GALNT9: variants seen among roughly 807,000 people sequenced by gnomAD.
GALNT9 encodes polypeptide N-acetylgalactosaminyltransferase 9.
A neutral mutation model predicts 63.1 loss-of-function variants in GALNT9; 47 were observed. The observed-to-expected ratio is 0.75, with a 90% CI of 0.59 to 0.95. The LOEUF is 0.95. Among genes scored for constraint, GALNT9 ranks in the 40% least tolerant of loss-of-function variants. GALNT9 has a pLI of 0.00. For missense variants in GALNT9, 829 were observed against 874.8 expected, an observed-to-expected ratio of 0.95 and a Z score of 0.66; for synonymous variants, 396 against 365.7, an observed-to-expected ratio of 1.08 and a Z score of -0.94.
At chr12:132,198,894 G>A (rs1565979953) in intron 9 of GALNT9, among the ~76,000 whole-genome samples, 1 of 152,258 alleles carries the variant, frequency 6.6e-6, no homozygotes, top group East Asian at 1.9e-4. Flanking sequence ...TAAGTGATCT[G>A]TCTGCCTTGG....
At chr12:132,291,785 C>T (rs562379277) in intron 1 of GALNT9, among the ~76,000 whole-genome samples, 1 of 152,248 alleles carries the variant, frequency 6.6e-6, no homozygotes, top group African/African-American at 2.4e-5. Context: ...TTTCCTCCCC[C>T]CTGCTTCCCC....
intron 6 of GALNT9, among the ~76,000 whole-genome samples, chr12:132,247,088 C>T (rs1207912740): frequency 7.2e-5 from 11 of 152,286 alleles, no homozygotes; most frequent in Non-Finnish European, 1.0e-4. Flanking sequence ...ATAAAAAACC[C>T]GCAACCTCCA....
In GALNT9 at chr12:132,286,354, A is replaced by C. The variant is rs782367718; in HGVS notation, c.315T>G (p.Asp105Glu). ...GQGGLAATLR[D>E]DGQEAEGKYE... The stretch of plus-strand genomic sequence containing the variant: ...ACTTGCCTTCCGCCTCCTGGCCGTC[A>C]TCACGCAGGGTGGCCGCCAAGCCAC... Residue 105 changes from aspartate to glutamate, a missense_variant, in exon 2 of 11, where the codon GAT (aspartate) becomes GAG (glutamate). By Grantham distance (45) the Asp-to-Glu change is conservative (BLOSUM62 2). Transcript: ENST00000328957. This position sits in a 1 kb window ranked among gnomAD's most constrained non-coding sequence, Gnocchi z 7.4. The C allele has an allele frequency of 3.2e-5, 49 of 1,550,890 alleles. No homozygotes were observed. In the Middle Eastern group the frequency reaches 5.0e-4, roughly 16 times the overall value.
rs572762684 is a variant in GALNT9, at chr12:132,254,923, A to G, written c.959+2766T>C. On this transcript the variant is annotated intron_variant, in intron 5 of 10. Coordinates refer to ENST00000328957, the MANE Select transcript of GALNT9 (RefSeq NM_001122636.2). Reference sequence around the variant, plus strand: ...GTGGCTCTGCTCTGTCCGAGGGAGCAGCCACAGCTCAGCTTCAGTTCATCA... The same window carrying G: ...GTGGCTCTGCTCTGTCCGAGGGAGCGGCCACAGCTCAGCTTCAGTTCATCA... 1.4e-4 allele frequency among the ~76,000 whole-genome samples: 21 copies of G among 152,336 alleles called. No individual in the cohort carries two copies. In the East Asian group the frequency reaches 3.7e-3, roughly 27 times the overall value.
chr12:132,230,165 C>T (rs1324115724), intron 6 of GALNT9, among the ~76,000 whole-genome samples: 3 of 152,208 alleles, frequency 2.0e-5, no homozygotes, highest in South Asian at 2.1e-4. Context: ...GTGGAGAGGC[C>T]GCGCACAGCC....
chr12:132,309,534 A>G (rs782659367), intron 1 of GALNT9, among the ~76,000 whole-genome samples: 9 of 152,178 alleles, frequency 5.9e-5, no homozygotes, highest in Non-Finnish European at 1.2e-4. Context: ...TAAATCCAGT[A>G]AGAAGCATCC....
intron 1 of GALNT9, among the ~76,000 whole-genome samples, chr12:132,302,557 C>T (rs1434443678): frequency 1.3e-5 from 2 of 152,240 alleles, no homozygotes; most frequent in Non-Finnish European, 2.9e-5. Context: ...ATTCCAAGAG[C>T]TGCCTGGGTG....
At chr12:132,299,328 C>G (rs1490209012) in intron 1 of GALNT9, among the ~76,000 whole-genome samples, 1 of 141,362 alleles carries the variant, frequency 7.1e-6, no homozygotes, top group Non-Finnish European at 1.5e-5. Context: ...CCTGAGATAA[C>G]CAAGCCACTG....
rs1029232484 is a variant in GALNT9 at position 132,286,237 on chromosome 12, G to A, written c.419+13C>T. 5.8e-6 allele frequency: 9 copies of A among 1,545,058 alleles called. No individual in the cohort carries two copies. Among genetic ancestry groups the A allele is most frequent in the Non-Finnish European group, 7.9e-6 (9 of 1,142,838 alleles). ...GGCGGGCGTCGGGGGATGGGGGGCA[G>A]TCACTCACTCACTTTCTGGGCCGGT... On this transcript the variant is annotated intron_variant, in intron 2 of 10. Coordinates refer to ENST00000328957, the MANE Select transcript of GALNT9 (RefSeq NM_001122636.2). The surrounding 1 kb of genome is among the most constrained non-coding windows in gnomAD (Gnocchi z 7.4).
intron 2 of GALNT9, among the ~76,000 whole-genome samples, chr12:132,266,453 C>T (rs1272020409): frequency 6.6e-6 from 1 of 152,336 alleles, no homozygotes; most frequent in Non-Finnish European, 1.5e-5. Context: ...CTAAATCCAA[C>T]GACGGTGTCC....
intron 6 of GALNT9, among the ~76,000 whole-genome samples, chr12:132,231,011 T>C (rs1197881512): frequency 0.017 from 1,830 of 107,252 alleles, 25 homozygotes; most frequent in East Asian, 0.074. Flanking sequence ...CAGCGTGGAG[T>C]CCCTAGTGCC....
At chr12:132,274,696 T>G (rs1485412571) in intron 2 of GALNT9, 1 of 152,146 alleles carries the variant, frequency 6.6e-6, no homozygotes, top group Admixed American at 6.6e-5. Context: ...CTCCAAATGG[T>G]TTTGTTTGAA....
At chr12:132,222,028 G>C (rs1593070912) in intron 6 of GALNT9, among the ~76,000 whole-genome samples, 1 of 152,176 alleles carries the variant, frequency 6.6e-6, no homozygotes, top group Admixed American at 6.5e-5. Context: ...AAGACAGACA[G>C]TGGATTGGGT....
chr12:132,255,384 C>G (rs782062138), intron 5 of GALNT9, among the ~76,000 whole-genome samples: 6 of 152,214 alleles, frequency 3.9e-5, no homozygotes, highest in Non-Finnish European at 8.8e-5. Flanking sequence ...GGGAACTCAA[C>G]ATTCTGTAGA....
In GALNT9 at chr12:132,282,582, C is replaced by T. The variant is rs1420174328; in HGVS notation, c.419+3668G>A. On this transcript the variant is annotated intron_variant, in intron 2 of 10. Coordinates refer to ENST00000328957, the MANE Select transcript of GALNT9 (RefSeq NM_001122636.2). The surrounding 1 kb of genome is among the most constrained non-coding windows in gnomAD (Gnocchi z 4.5). Reference sequence around the variant, plus strand: ...CGTGAGGGACCCTGGAAGCTCCAAGCTCTCCCCTCTTGATGATAAGGTTGC... The same window carrying T: ...CGTGAGGGACCCTGGAAGCTCCAAGTTCTCCCCTCTTGATGATAAGGTTGC... Among the ~76,000 whole-genome samples, 1 of 152,064 alleles carries T rather than the reference C, an allele frequency of 6.6e-6. No individual in the cohort carries two copies. Among genetic ancestry groups the T allele is most frequent in the Non-Finnish European group, 1.5e-5 (1 of 68,024 alleles).
At position 132,197,775 on chromosome 12, in the gene GALNT9, C is replaced by CA; in HGVS notation, c.1665+16_1665+17insT. On this transcript the variant is annotated intron_variant, in intron 10 of 10. Coordinates refer to ENST00000328957, the MANE Select transcript of GALNT9 (RefSeq NM_001122636.2). ...GCCCCGCCCCAACCCCACGGCCCCC[C>CA]TTCCCCAGAGGCTGACCTGGGTGAA... The CA allele has an allele frequency of 6.5e-7, 1 of 1,530,576 alleles. No individual in the cohort carries two copies. Among genetic ancestry groups the CA allele is most frequent in the Non-Finnish European group, 8.9e-7 (1 of 1,127,938 alleles). 94.8% of individuals were successfully genotyped at this position (1,530,576 alleles called of 1,614,324 possible).
At chr12:132,284,582 A>C (rs1880513733) in intron 2 of GALNT9, 1 of 152,250 alleles carries the variant, frequency 6.6e-6, no homozygotes, top group Non-Finnish European at 1.5e-5. Context: ...AATAAGTAGA[A>C]TGAAAATAAA....
At chr12:132,328,110 G>A (rs1490117533) in intron 1 of GALNT9, among the ~76,000 whole-genome samples, 1 of 152,320 alleles carries the variant, frequency 6.6e-6, no homozygotes, top group Middle Eastern at 3.4e-3. Flanking sequence ...CCCCGGTGCA[G>A]AGTGGCCTTG....
chr12:132,243,966 G>C (rs1250599458), intron 6 of GALNT9, among the ~76,000 whole-genome samples: 1 of 152,030 alleles, frequency 6.6e-6, no homozygotes, highest in Admixed American at 6.5e-5. Flanking sequence ...GGGCTCAACA[G>C]TAAAGATGTT....
Sources: gnomAD v4.1 joint callset for allele counts (sites outside exome capture counted in the v4.1 genomes callset) on GRCh38, gnomAD v4.1.1 for gene constraint, Gnocchi (gnomAD v3.1) non-coding constraint, MANE v1.5 for transcripts, NCBI Gene and HGNC (gene_info 2026-07-23, HGNC 2026-07-21) for gene names.